The following DNAJC13 variants were observed in gnomAD, a reference collection of about 807,000 sequenced individuals.
The protein encoded by DNAJC13 is DnaJ heat shock protein family (Hsp40) member C13, also known as dnaJ homolog subfamily C member 13.
In DNAJC13, 75 loss-of-function variants were observed where a neutral mutation model predicts 290.5. That is an observed-to-expected ratio of 0.26 (90% CI 0.21 to 0.31). The LOEUF is 0.31. Among genes scored for constraint, DNAJC13 ranks in the 10% least tolerant of loss-of-function variants. The pLI, the probability that DNAJC13 is intolerant of heterozygous loss-of-function variation, is 1.00. For missense variants in DNAJC13, 2,260 were observed against 2,674.5 expected (o/e 0.85, Z 3.42); for synonymous variants, 862 against 892.0 (o/e 0.97, Z 0.60).
chr3:132,492,270 C>T (rs1268903406), intron 32 of DNAJC13, 144 bp from the exon 33 acceptor site: 1 of 891,832 alleles, frequency 1.1e-6, no homozygotes, highest in Non-Finnish European at 1.7e-6. Context: ...GCCCAAAGTA[C>T]CATATTTAAA....
chr3:132,537,197 AC>A, intron 55 of DNAJC13: 1 of 455,984 alleles, frequency 2.2e-6, no homozygotes, highest in South Asian at 1.5e-5. Flanking sequence ...AGCCCCCTTC[AC>A]CTCAGGAGCG....
At chr3:132,505,449 T>A (rs772378913) in intron 42 of DNAJC13, 34 bp downstream of exon 42, 19 of 1,372,894 alleles carry the variant, frequency 1.4e-5, no homozygotes, top group Middle Eastern at 1.8e-4. Flanking sequence ...CTTGGGTAAT[T>A]TATTCTGATG....
rs1576503535 is a variant in DNAJC13 at position 132,500,865 on chromosome 3, A to G, written c.4488A>G (p.Glu1496=). 1 of 1,613,992 alleles carries G rather than the reference A, an allele frequency of 6.2e-7. No homozygotes were observed. The highest frequency in any genetic ancestry group is 8.5e-7 in the Non-Finnish European group (1 of 1,179,986). The change falls in exon 39 of 56, where the codon GAA becomes GAG. Residue 1496 remains glutamate, a synonymous_variant. Transcript: ENST00000260818. The stretch of plus-strand genomic sequence containing the variant: ...AGGAATGCCGAGAGAAGATCACGGA[A>G]ATGCCTAGCATCATCAAGGATCTCT... The part of the protein sequence containing the change: ...QFEECREKIT[E]MPSIIKDLCR...
intron 2 of DNAJC13, among the ~76,000 whole-genome samples, chr3:132,442,481 C>T (rs1223473781): frequency 6.6e-6 from 1 of 152,154 alleles, no homozygotes; most frequent in African/African-American, 2.4e-5. Context: ...ATTACATCCC[C>T]AGCTTTTGCC....
intron 43 of DNAJC13, among the ~76,000 whole-genome samples, chr3:132,509,121 G>A (rs1245526130): frequency 6.6e-6 from 1 of 152,328 alleles, no homozygotes; most frequent in South Asian, 2.1e-4. Flanking sequence ...TTCCTCTAAT[G>A]GATGTGGGCA....
rs980675399 is a variant in DNAJC13, at chr3:132,466,019, A to T, written c.1917A>T (p.Gly639=). The T allele has an allele frequency of 6.2e-7, 1 of 1,613,824 alleles. No homozygotes were observed. Among genetic ancestry groups the T allele is most frequent in the African/African-American group, 1.3e-5 (1 of 74,900 alleles). ...TNRQLSRHLV[G]LWTADNATAT... is the part of the protein sequence containing the mutation. Reference sequence around the variant, plus strand: ...GACAGCTAAGTAGACATTTAGTGGGACTCTGGACAGCTGATAATGCAACTG... The same window carrying T: ...GACAGCTAAGTAGACATTTAGTGGGTCTCTGGACAGCTGATAATGCAACTG... Residue 639 remains glycine (G), a synonymous_variant, in exon 18 of 56, where the codon GGA becomes GGT. Transcript: ENST00000260818.
chr3:132,436,793 GT>G (rs1468933404), intron 2 of DNAJC13, among the ~76,000 whole-genome samples: 1 of 151,300 alleles, frequency 6.6e-6, no homozygotes, highest in Non-Finnish European at 1.5e-5. Flanking sequence ...ATCTTTTCTT[GT>G]GTTTGTAGGT....
At position 132,500,873 on chromosome 3, in the gene DNAJC13, G is replaced by A. The variant is rs1235913831; in HGVS notation, c.4496G>A (p.Ser1499Asn). 1 of 1,614,064 alleles carries A rather than the reference G, an allele frequency of 6.2e-7. No homozygotes were observed. Among genetic ancestry groups the A allele is most frequent in the Admixed American group, 1.7e-5 (1 of 60,016 alleles). Residue 1499 changes from serine (S) to asparagine (N), a missense_variant, in exon 39 of 56, where the codon AGC (serine) becomes AAC (asparagine). Coordinates refer to ENST00000260818, the MANE Select transcript of DNAJC13 (RefSeq NM_015268.4). ...CGAGAGAAGATCACGGAAATGCCTAGCATCATCAAGGATCTCTGTCGGGTA... is the reference window on the plus strand; with the variant it reads ...CGAGAGAAGATCACGGAAATGCCTAACATCATCAAGGATCTCTGTCGGGTA... ...ECREKITEMPSIIKDLCRVLY... is the reference protein window; with the variant it reads ...ECREKITEMPNIIKDLCRVLY...
intron 22 of DNAJC13, among the ~76,000 whole-genome samples, chr3:132,475,299 G>A (rs564919247): frequency 3.9e-5 from 6 of 152,068 alleles, no homozygotes; most frequent in Non-Finnish European, 8.8e-5. Flanking sequence ...TGAGAATCAT[G>A]TAAGAATTTT....
At chr3:132,422,816 T>C (rs563525391) in intron 1 of DNAJC13, among the ~76,000 whole-genome samples, 1 of 152,348 alleles carries the variant, frequency 6.6e-6, no homozygotes, top group South Asian at 2.1e-4. Context: ...ACTTGTACTT[T>C]CATGGACTAC....
chr3:132,482,177 C>A, intron 26 of DNAJC13, 49 bp from the exon 27 acceptor site: 2 of 1,525,672 alleles, frequency 1.3e-6, no homozygotes, highest in Non-Finnish European at 1.8e-6. Context: ...GACATCTGGT[C>A]TTTTAGATTT....
At chr3:132,471,631 C>G (rs548762906) in intron 20 of DNAJC13, among the ~76,000 whole-genome samples, 1 of 134,546 alleles carries the variant, frequency 7.4e-6, no homozygotes, top group Non-Finnish European at 1.6e-5. Flanking sequence ...GAGGCGCTCC[C>G]CACATCTCAG....
intron 20 of DNAJC13, among the ~76,000 whole-genome samples, chr3:132,471,165 G>T (rs1400886183): frequency 7.9e-6 from 1 of 127,012 alleles, no homozygotes. Flanking sequence ...CCGGCTGAGG[G>T]GCTCCTCACT....
At chr3:132,483,840 G>GAA (rs1934763719) in intron 28 of DNAJC13, among the ~76,000 whole-genome samples, 1 of 152,168 alleles carries the variant, frequency 6.6e-6, no homozygotes, top group African/African-American at 2.4e-5. Flanking sequence ...TAATTTATGT[G>GAA]AATTGGTGTT....
At chr3:132,536,264 A>G (rs1288923181) in intron 55 of DNAJC13, among the ~76,000 whole-genome samples, 1 of 152,188 alleles carries the variant, frequency 6.6e-6, no homozygotes, top group Non-Finnish European at 1.5e-5. Context: ...GTCCACATGG[A>G]CAGGCCGAAT....
At chr3:132,506,111 G>A (rs1281957888) in intron 42 of DNAJC13, among the ~76,000 whole-genome samples, 1 of 137,670 alleles carries the variant, frequency 7.3e-6, no homozygotes, top group Non-Finnish European at 1.5e-5. Flanking sequence ...GGAGTGCAAT[G>A]GCATGATCTC....
intron 13 of DNAJC13, among the ~76,000 whole-genome samples, chr3:132,458,537 G>T (rs1933691623): frequency 6.6e-6 from 1 of 152,120 alleles, no homozygotes; most frequent in African/African-American, 2.4e-5. Context: ...TCTGTGTCAG[G>T]AACCAGGGTA....
intron 20 of DNAJC13, among the ~76,000 whole-genome samples, chr3:132,467,596 G>C (rs1437393101): frequency 6.6e-6 from 1 of 152,072 alleles, no homozygotes; most frequent in Non-Finnish European, 1.5e-5. Context: ...CTCCCGAGTA[G>C]CTGGGACTAC....
At chr3:132,485,395 C>T (rs1202894566) in intron 29 of DNAJC13, among the ~76,000 whole-genome samples, 3 of 152,170 alleles carry the variant, frequency 2.0e-5, no homozygotes. Flanking sequence ...CCACCTTGGC[C>T]TCCTAAAGTG....
Sources: gnomAD v4.1 joint callset for allele counts (sites outside exome capture counted in the v4.1 genomes callset) on GRCh38, gnomAD v4.1.1 for gene constraint, MANE v1.5 for transcripts, NCBI Gene and HGNC (gene_info 2026-07-23, HGNC 2026-07-21) for gene names.